EDC3: variants seen among roughly 807,000 people sequenced by gnomAD.
EDC3 encodes the protein enhancer of mRNA-decapping protein 3.
In EDC3, 20 loss-of-function variants were observed where a neutral mutation model predicts 41.8. That is an observed-to-expected ratio of 0.48 (90% CI 0.34 to 0.70). The LOEUF (loss-of-function observed/expected upper bound fraction) is 0.70, where lower values mean the gene tolerates loss of function less well. Ranked by LOEUF, EDC3 falls within the 30% of genes least tolerant of loss-of-function variation. The pLI is 0.01. For synonymous variants in EDC3, 206 were observed against 243.2 expected, an observed-to-expected ratio of 0.85 and a Z score of 1.42; for missense variants, 444 against 636.8, an observed-to-expected ratio of 0.70 and a Z score of 3.26.
chr15:74,693,811 C>T (rs918139824), intron 1 of EDC3, among the ~76,000 whole-genome samples: 3 of 152,048 alleles, frequency 2.0e-5, no homozygotes, highest in African/African-American at 7.2e-5. Context: ...TGGTGAAACC[C>T]CATCTCTACT....
chr15:74,668,164 A>G (rs543156116), intron 3 of EDC3, among the ~76,000 whole-genome samples: 1 of 152,336 alleles, frequency 6.6e-6, no homozygotes, highest in Admixed American at 6.5e-5. Flanking sequence ...AGTATTCATC[A>G]AAATGTCTAG....
At chr15:74,656,655 G>A (rs1022769784) in intron 3 of EDC3, among the ~76,000 whole-genome samples, 2 of 152,172 alleles carry the variant, frequency 1.3e-5, no homozygotes, top group South Asian at 2.1e-4. Context: ...TTCTAGAGGC[G>A]GGTCCCTGGC....
At position 74,668,974 on chromosome 15, in the gene EDC3, G is replaced by A. The variant is rs565941095; in HGVS notation, c.484+2481C>T. On this transcript the variant is annotated intron_variant, in intron 3 of 6. Transcript: ENST00000315127. ...TTTTAGGCCAGGTGCAGTGGCTCAC[G>A]TCTGTAATCCCAGCACTTGGGGAGG... Among the ~76,000 whole-genome samples the A allele has an allele frequency of 3.3e-5, 5 of 152,210 alleles. No individual in the cohort carries two copies. The South Asian group carries it at 6.2e-4, about 19-fold the overall frequency.
intron 1 of EDC3, among the ~76,000 whole-genome samples, chr15:74,686,567 C>A (rs1271688204): frequency 2.6e-5 from 4 of 151,434 alleles, no homozygotes; most frequent in Non-Finnish European, 4.4e-5. Flanking sequence ...GGTGGATCAC[C>A]TGAGGAGTTT....
chr15:74,650,410 C>G (rs1240251021), intron 4 of EDC3, among the ~76,000 whole-genome samples: 1 of 152,166 alleles, frequency 6.6e-6, no homozygotes, highest in Non-Finnish European at 1.5e-5. Context: ...CTAGCCTACC[C>G]ATGAATATCT....
At chr15:74,640,786 CTCAAGTAGT>C in intron 4 of EDC3, 167 bp from the exon 5 acceptor site, 6 of 758,226 alleles carry the variant, frequency 7.9e-6, no homozygotes, top group Non-Finnish European at 1.3e-5. Flanking sequence ...CTCTGCAGAG[CTCAAGTAGT>C]GACTGGTGAA....
intron 1 of EDC3, among the ~76,000 whole-genome samples, chr15:74,691,711 G>A (rs926602142): frequency 6.6e-5 from 10 of 152,154 alleles, no homozygotes; most frequent in Non-Finnish European, 1.5e-4. Flanking sequence ...ACTTTAGGAT[G>A]GGTAGGAAAA....
chr15:74,673,128 C>T (rs1184849587), intron 2 of EDC3, among the ~76,000 whole-genome samples: 1 of 151,952 alleles, frequency 6.6e-6, no homozygotes, highest in Non-Finnish European at 1.5e-5. Flanking sequence ...CAGAGGTAAC[C>T]AAGGACCACA....
At chr15:74,669,343 CAAAA>C (rs59652636) in intron 3 of EDC3, among the ~76,000 whole-genome samples, 4 of 95,886 alleles carry the variant, frequency 4.2e-5, no homozygotes, top group African/African-American at 7.5e-5. Flanking sequence ...AACTCTGTCT[CAAAA>C]AAAAAAAAAA....
chr15:74,642,131 A>G (rs2062359830), intron 4 of EDC3: 1 of 152,246 alleles, frequency 6.6e-6, no homozygotes, highest in Non-Finnish European at 1.5e-5. Context: ...GAAACCAAGC[A>G]CAAAGACTGA....
At chr15:74,690,694 C>T (rs911302478) in intron 1 of EDC3, among the ~76,000 whole-genome samples, 4 of 152,170 alleles carry the variant, frequency 2.6e-5, no homozygotes, top group African/African-American at 9.7e-5. Flanking sequence ...GGCCCTACAT[C>T]CCAGCACTTT....
At chr15:74,689,789 G>A (rs1479175820) in intron 1 of EDC3, among the ~76,000 whole-genome samples, 1 of 152,220 alleles carries the variant, frequency 6.6e-6, no homozygotes, top group Non-Finnish European at 1.5e-5. Context: ...CTCCCAAAGT[G>A]CTGGGATTAC....
At chr15:74,687,852 A>G (rs2062956877) in intron 1 of EDC3, among the ~76,000 whole-genome samples, 1 of 152,210 alleles carries the variant, frequency 6.6e-6, no homozygotes, top group Admixed American at 6.6e-5. Context: ...AGATGCTTAG[A>G]TAGATGCAGA....
intron 4 of EDC3, among the ~76,000 whole-genome samples, chr15:74,647,045 T>G (rs1012076096): frequency 6.6e-6 from 1 of 151,114 alleles, no homozygotes; most frequent in African/African-American, 2.4e-5. Flanking sequence ...AGTCTCGTTC[T>G]GTCGCCCAGG....
intron 3 of EDC3, among the ~76,000 whole-genome samples, chr15:74,670,556 A>C (rs1596322672): frequency 6.6e-6 from 1 of 152,142 alleles, no homozygotes; most frequent in Admixed American, 6.5e-5. Flanking sequence ...CAGCCTCCAA[A>C]GTAGCTGGGA....
chr15:74,689,326 G>A (rs1303839853), intron 1 of EDC3, among the ~76,000 whole-genome samples: 1 of 152,110 alleles, frequency 6.6e-6, no homozygotes, highest in Admixed American at 6.5e-5. Context: ...TCATTCTGGT[G>A]GGGTGCAATG....
chr15:74,640,727 A>C, intron 4 of EDC3, 108 bp from the exon 5 acceptor site: 1 of 1,388,304 alleles, frequency 7.2e-7, no homozygotes, highest in Admixed American at 2.0e-5. Context: ...ACCATGGATC[A>C]CCCCTGGCCC....
intron 1 of EDC3, among the ~76,000 whole-genome samples, chr15:74,689,361 T>C (rs2062975200): frequency 6.6e-6 from 1 of 152,202 alleles, no homozygotes; most frequent in Admixed American, 6.5e-5. Flanking sequence ...TTAAACATAC[T>C]TCTTATTTAC....
At chr15:74,679,750 T>C (rs2062847725) in intron 1 of EDC3, 1 of 134,372 alleles carries the variant, frequency 7.4e-6, no homozygotes, top group Admixed American at 7.6e-5. Flanking sequence ...TGAGACCTTA[T>C]TTCTACCAAA....
Sources: allele counts gnomAD v4.1 joint callset (sites outside exome capture counted in the v4.1 genomes callset), GRCh38; gene constraint gnomAD v4.1.1; transcripts MANE v1.5; gene names NCBI Gene and HGNC (gene_info 2026-07-23, HGNC 2026-07-21).